MACC1: variants seen among roughly 807,000 people sequenced by gnomAD.
MACC1 encodes the protein metastasis-associated in colon cancer protein 1.
A neutral mutation model predicts 70.7 loss-of-function variants in MACC1; 79 were observed. The ratio of observed to expected loss-of-function variants is 1.12; its 90% CI spans 0.93 to 1.35. MACC1 has a LOEUF of 1.35. MACC1 is among the 40% of genes most tolerant of loss of function. MACC1 has a pLI of 0.00. For synonymous variants in MACC1, 361 were observed against 347.2 expected (o/e 1.04, Z -0.44); for missense variants, 1,106 against 978.1 (o/e 1.13, Z -1.74).
intron 1 of MACC1, among the ~76,000 whole-genome samples, chr7:20,211,541 T>C (rs970244119): frequency 6.6e-6 from 1 of 152,142 alleles, no homozygotes; most frequent in African/African-American, 2.4e-5. Context: ...GTTCCAAACA[T>C]ATCTGAGTCT....
intron 1 of MACC1, among the ~76,000 whole-genome samples, chr7:20,205,257 A>G (rs1228498107): frequency 1.3e-5 from 2 of 152,254 alleles, no homozygotes; most frequent in African/African-American, 4.8e-5. Flanking sequence ...ATACAATTAA[A>G]GTTAGGTGCT....
chr7:20,195,416 G>A (rs1782735972), intron 1 of MACC1, among the ~76,000 whole-genome samples: 1 of 152,138 alleles, frequency 6.6e-6, no homozygotes, highest in Non-Finnish European at 1.5e-5. Context: ...AAAGGAGGAG[G>A]GTTTAGACAG....
At chr7:20,193,894 C>T (rs747624943) in intron 1 of MACC1, among the ~76,000 whole-genome samples, 10 of 152,020 alleles carry the variant, frequency 6.6e-5, no homozygotes, top group Non-Finnish European at 1.3e-4. Context: ...ATTCCCCCGC[C>T]CCCACACACA....
intron 1 of MACC1, among the ~76,000 whole-genome samples, chr7:20,206,257 T>A (rs919833649): frequency 1.3e-5 from 2 of 151,996 alleles, no homozygotes; most frequent in African/African-American, 4.8e-5. Flanking sequence ...AGGACAGTCA[T>A]CTTCCTGAAT....
chr7:20,177,043 C>CTA (rs1782403845), intron 1 of MACC1, among the ~76,000 whole-genome samples: 1 of 152,084 alleles, frequency 6.6e-6, no homozygotes, highest in Non-Finnish European at 1.5e-5. Context: ...TGTCAAAGAG[C>CTA]TATACATACA....
intron 5 of MACC1, 69 bp downstream of exon 5, chr7:20,158,135 A>C: frequency 6.7e-7 from 1 of 1,483,556 alleles, no homozygotes; most frequent in Non-Finnish European, 8.9e-7. Flanking sequence ...TCACATGTTC[A>C]GTTATAAATA....
chr7:20,203,195 C>G (rs1782857682), intron 1 of MACC1, among the ~76,000 whole-genome samples: 1 of 152,146 alleles, frequency 6.6e-6, no homozygotes, highest in South Asian at 2.1e-4. Context: ...AAATTTTCAT[C>G]AGCACCAATC....
chr7:20,148,537 T>A (rs1371863715), intron 6 of MACC1, among the ~76,000 whole-genome samples: 13 of 152,302 alleles, frequency 8.5e-5, no homozygotes, highest in Admixed American at 1.3e-4. Flanking sequence ...TTAAATCCAT[T>A]TTGAATTTTC....
chr7:20,159,038 A>T lies in MACC1; in HGVS notation c.1323T>A (p.Asp441Glu), dbSNP rs746743867. The T allele has an allele frequency of 2.6e-5, 42 of 1,613,864 alleles. No homozygotes were observed. The highest frequency in any genetic ancestry group is 3.4e-5 in the Non-Finnish European group (40 of 1,180,004). The change falls in exon 5 of 7, where the codon GAT becomes GAA. Residue 441 changes from aspartate (D) to glutamate (E), a missense_variant. By Grantham distance (45) the Asp-to-Glu change is conservative. Transcript: ENST00000400331. ...QDLSISIFSCDPDFEVKTEGE... is the reference protein window; with the variant it reads ...QDLSISIFSCEPDFEVKTEGE... ...CTTCTGTCTTTACTTCAAAATCAGG[A>T]TCACAGGAAAAAATAGAAATACTTA...
At chr7:20,150,442 A>T (rs1781957932) in intron 6 of MACC1, 1 of 152,194 alleles carries the variant, frequency 6.6e-6, no homozygotes, top group African/African-American at 2.4e-5. Context: ...TAGACTTGGA[A>T]CAAAGTACTT....
intron 1 of MACC1, among the ~76,000 whole-genome samples, chr7:20,216,726 A>C (rs3095007): frequency 0.73 from 110,459 of 151,952 alleles, 40,381 homozygotes; most frequent in East Asian, 0.91. Context: ...TAATTTAATG[A>C]CCCCCTTAAC....
At chr7:20,216,360 T>C (rs1299441537) in intron 1 of MACC1, among the ~76,000 whole-genome samples, 1 of 152,150 alleles carries the variant, frequency 6.6e-6, no homozygotes, top group Non-Finnish European at 1.5e-5. Flanking sequence ...AAACTTAACA[T>C]ACAATTTACC....
chr7:20,204,169 T>G (rs1010073858), intron 1 of MACC1, among the ~76,000 whole-genome samples: 12 of 152,210 alleles, frequency 7.9e-5, no homozygotes, highest in Admixed American at 3.9e-4. Flanking sequence ...TTGTTTGTTT[T>G]TTTGAGATGG....
chr7:20,161,176 GC>G (rs1185256821), intron 4 of MACC1, among the ~76,000 whole-genome samples: 2 of 152,046 alleles, frequency 1.3e-5, no homozygotes. Context: ...AGCTAGTGCT[GC>G]TTTTAGAGAC....
At chr7:20,210,805 C>T (rs1357452271) in intron 1 of MACC1, among the ~76,000 whole-genome samples, 1 of 152,172 alleles carries the variant, frequency 6.6e-6, no homozygotes, top group African/African-American at 2.4e-5. Context: ...TGATTAAATA[C>T]ATTAATTAAC....
intron 1 of MACC1, among the ~76,000 whole-genome samples, chr7:20,188,749 T>C (rs1249541802): frequency 4.6e-5 from 7 of 152,202 alleles, no homozygotes; most frequent in African/African-American, 1.7e-4. Context: ...CCAAAGTCAC[T>C]GGTAAACTCT....
At chr7:20,207,481 T>G (rs1782929627) in intron 1 of MACC1, among the ~76,000 whole-genome samples, 1 of 152,134 alleles carries the variant, frequency 6.6e-6, no homozygotes, top group Admixed American at 6.5e-5. Flanking sequence ...AGGACTTTCC[T>G]TCTCCTCTAT....
Position 20,160,032 on chromosome 7 carries a change from C to A in MACC1, c.329G>T (p.Gly110Val). The A allele has an allele frequency of 1.9e-6, 3 of 1,610,872 alleles. No individual in the cohort carries two copies. The highest frequency in any genetic ancestry group is 2.5e-6 in the Non-Finnish European group (3 of 1,178,994). Residue 110 changes from glycine to valine, a missense_variant, in exon 5 of 7, where the codon GGA (glycine) becomes GTA (valine). Coordinates refer to ENST00000400331, the MANE Select transcript of MACC1 (RefSeq NM_182762.4). ...ATCACCGGAGGAATCAAAAGAATTT[C>A]CATTTTCTATTTCTCTACAGAAAAG... ...PFLFCREIEN[G>V]NSFDSSGDEL...
intron 1 of MACC1, among the ~76,000 whole-genome samples, chr7:20,206,829 C>A (rs555937448): frequency 6.6e-6 from 1 of 152,320 alleles, no homozygotes; most frequent in Admixed American, 6.5e-5. Context: ...TGAGGACATC[C>A]CCATCCACCC....
Sources: gnomAD v4.1 joint callset for allele counts (sites outside exome capture counted in the v4.1 genomes callset) on GRCh38, gnomAD v4.1.1 for gene constraint, MANE v1.5 for transcripts, NCBI Gene and HGNC (gene_info 2026-07-23, HGNC 2026-07-21) for gene names.